The following PI4K2B variants were observed in gnomAD, a reference collection of about 807,000 sequenced individuals.
PI4K2B encodes the protein phosphatidylinositol 4-kinase type 2 beta, also known as phosphatidylinositol 4-kinase type 2-beta.
In PI4K2B, 46 loss-of-function variants were observed where a neutral mutation model predicts 56.6. The ratio of observed to expected loss-of-function variants is 0.81; its 90% CI spans 0.64 to 1.04. The LOEUF is 1.04. PI4K2B is among the 50% of genes least tolerant of loss of function. The probability of loss-of-function intolerance (pLI) is 0.00; values close to 1 mark genes in which losing one functional copy is unlikely to be tolerated. For missense variants in PI4K2B, 556 were observed against 607.7 expected (o/e 0.91, Z 0.89); for synonymous variants, 211 against 223.8 (o/e 0.94, Z 0.51).
chr4:25,250,004 G>T (rs1182088741), intron 1 of PI4K2B, among the ~76,000 whole-genome samples: 1 of 152,188 alleles, frequency 6.6e-6, no homozygotes, highest in Admixed American at 6.5e-5. Context: ...GATCACTCAC[G>T]GTCAGGAACT....
At chr4:25,246,898 G>A (rs966767604) in intron 1 of PI4K2B, among the ~76,000 whole-genome samples, 5 of 152,228 alleles carry the variant, frequency 3.3e-5, no homozygotes, top group African/African-American at 9.6e-5. Flanking sequence ...GGGGCAGGCC[G>A]GCTGCTCCCA....
chr4:25,257,355 C>T (rs534194888), intron 4 of PI4K2B, among the ~76,000 whole-genome samples: 4 of 152,226 alleles, frequency 2.6e-5, no homozygotes, highest in Admixed American at 6.5e-5. Flanking sequence ...AGCCGCTGTG[C>T]CTGGCCAAGT....
In PI4K2B at chr4:25,268,530, T is replaced by C. The variant is rs1716751874; in HGVS notation, c.1166T>C (p.Met389Thr). The C allele has an allele frequency of 1.9e-6, 3 of 1,598,466 alleles. No individual in the cohort carries two copies. In the East Asian group the frequency reaches 6.7e-5, roughly 36 times the overall value. The part of the protein sequence containing the change: ...RNLILPYISD[M>T]NFVQDLCEDL... ...TTGATTCTACCATATATTTCTGACA[T>C]GAACTTTGTGCAAGATTTATGTGAA... is the stretch of plus-strand genomic sequence containing the variant. The change falls in exon 8 of 10, where the codon ATG (methionine) becomes ACG (threonine). Residue 389 changes from methionine to threonine, a missense_variant. Met to Thr is a moderately conservative substitution (Grantham distance 81). Coordinates refer to ENST00000264864, the MANE Select transcript of PI4K2B (RefSeq NM_018323.4).
At chr4:25,264,296 C>T (rs764128403) in intron 7 of PI4K2B, among the ~76,000 whole-genome samples, 1 of 152,014 alleles carries the variant, frequency 6.6e-6, no homozygotes, top group African/African-American at 2.4e-5. Flanking sequence ...TCTTCTTGAA[C>T]CAGTTTTAGG....
intron 1 of PI4K2B, among the ~76,000 whole-genome samples, chr4:25,246,078 G>A (rs184331878): frequency 5.9e-5 from 9 of 152,164 alleles, no homozygotes; most frequent in South Asian, 4.2e-4. Flanking sequence ...TCGTGGTCTC[G>A]CTGGCTTCAG....
intron 5 of PI4K2B, among the ~76,000 whole-genome samples, chr4:25,259,810 C>T (rs57992991): frequency 0.29 from 44,700 of 152,146 alleles, 7,318 homozygotes; most frequent in African/African-American, 0.44. Flanking sequence ...CTGCAGGCCA[C>T]GGGTTGGATA....
intron 1 of PI4K2B, among the ~76,000 whole-genome samples, chr4:25,243,958 C>T (rs549003576): frequency 1.3e-5 from 2 of 152,314 alleles, no homozygotes; most frequent in East Asian, 3.9e-4. Flanking sequence ...TTGACTAAGA[C>T]ACCAGGTATC....
chr4:25,256,645 A>G lies in PI4K2B; in HGVS notation c.727A>G (p.Lys243Glu), dbSNP rs1716273732. Residue 243 changes from lysine to glutamate, a missense_variant, in exon 4 of 10, where the codon AAG becomes GAG. Transcript: ENST00000264864. ...AGAAAAAGTGCCAAAAGTGGGTAGAAAGTTTCATAGGATAGGACTCCCTCC... is the reference window on the plus strand; with the variant it reads ...AGAAAAAGTGCCAAAAGTGGGTAGAGAGTTTCATAGGATAGGACTCCCTCC... ...ALEKVPKVGR[K>E]FHRIGLPPKI... 1 of 1,613,930 alleles carries G rather than the reference A, an allele frequency of 6.2e-7. No individual in the cohort carries two copies. Among genetic ancestry groups the G allele is most frequent in the South Asian group, 1.1e-5 (1 of 91,074 alleles).
At chr4:25,244,041 G>A (rs952761006) in intron 1 of PI4K2B, among the ~76,000 whole-genome samples, 1 of 152,206 alleles carries the variant, frequency 6.6e-6, no homozygotes, top group Non-Finnish European at 1.5e-5. Context: ...AGAGTAGCAT[G>A]ACATCTCTCC....
chr4:25,235,998 TAAAC>T lies in PI4K2B; in HGVS notation c.268+1570_268+1573del, dbSNP rs1357199125. 1.3e-4 allele frequency among the ~76,000 whole-genome samples: 16 copies of T among 119,382 alleles called. No homozygotes were observed. In the East Asian group the frequency reaches 2.6e-3, roughly 20 times the overall value. The allele number at this position is 119,382 out of a possible 152,430, so 78.3% of individuals were successfully genotyped here. A position where few individuals can be genotyped will look rare whatever the true frequency, so the allele number is the denominator to read the frequency against. On this transcript the variant is annotated intron_variant, in intron 1 of 9. Coordinates refer to ENST00000264864, the MANE Select transcript of PI4K2B (RefSeq NM_018323.4). The stretch of plus-strand genomic sequence containing the variant: ...GCGAGATCCCCATCTCTATAAAAAA[TAAAC>T]AACAACAACAACAAAAATTCAAAGT...
intron 1 of PI4K2B, among the ~76,000 whole-genome samples, chr4:25,251,826 GTTA>G (rs35073171): frequency 1.3e-5 from 2 of 150,508 alleles, no homozygotes; most frequent in African/African-American, 4.9e-5. Context: ...TGTTGTTGTT[GTTA>G]TTATTATTAT....
At chr4:25,254,021 A>G (rs1716162199) in intron 2 of PI4K2B, among the ~76,000 whole-genome samples, 2 of 152,148 alleles carry the variant, frequency 1.3e-5, no homozygotes, top group African/African-American at 4.8e-5. Context: ...TCACCTCCCA[A>G]AGTGCTGGGA....
At chr4:25,246,086 C>G (rs1052791358) in intron 1 of PI4K2B, among the ~76,000 whole-genome samples, 7 of 152,112 alleles carry the variant, frequency 4.6e-5, no homozygotes, top group African/African-American at 1.4e-4. Context: ...TCGCTGGCTT[C>G]AGGAGTGAAG....
In PI4K2B at chr4:25,234,319, T is replaced by C. The variant is rs1488458766; in HGVS notation, c.156T>C (p.Ala52=). Reference sequence around the variant, plus strand: ...GCAGCGCCGTGAGGCTGCTGGACGCTGCCGGGGAGGAGGGCGAGGCCGGCG... The same window carrying C: ...GCAGCGCCGTGAGGCTGCTGGACGCCGCCGGGGAGGAGGGCGAGGCCGGCG... The part of the protein sequence containing the change: ...APGSAVRLLD[A]AGEEGEAGDE... The change falls in exon 1 of 10, where the codon GCT becomes GCC. Residue 52 remains alanine (A), a synonymous_variant. Transcript: ENST00000264864. 6 of 1,414,266 alleles carry C rather than the reference T, an allele frequency of 4.2e-6. No individual in the cohort carries two copies. Among genetic ancestry groups the C allele is most frequent in the Non-Finnish European group, 5.5e-6 (6 of 1,081,212 alleles). 87.6% of individuals were successfully genotyped at this position (1,414,266 alleles called of 1,614,324 possible).
intron 4 of PI4K2B, among the ~76,000 whole-genome samples, chr4:25,257,998 G>A (rs28367880): frequency 6.6e-6 from 1 of 152,064 alleles, no homozygotes; most frequent in Non-Finnish European, 1.5e-5. Context: ...AGGGTTACCT[G>A]TTACCTGTTT....
intron 9 of PI4K2B, among the ~76,000 whole-genome samples, chr4:25,269,542 A>G (rs13106374): frequency 0.83 from 124,903 of 150,716 alleles, 51,855 homozygotes; most frequent in Non-Finnish European, 0.84. Context: ...GGGAGGCTGC[A>G]GCAGGAGAAT....
chr4:25,260,610 TTATATATATA>T lies in PI4K2B; in HGVS notation c.978+42_978+51del, dbSNP rs533544057. The T allele has an allele frequency of 8.4e-3, 2,561 of 306,464 alleles. 24 individuals are homozygous for T. Among genetic ancestry groups the T allele is most frequent in the Middle Eastern group, 0.016 (14 of 882 alleles). 19.0% of individuals were successfully genotyped at this position (306,464 alleles called of 1,614,324 possible). ...CCATAAGGTAAGGAAATTTACAATT[TTATATATATA>T]TATATATATATATATATATATACAC... On this transcript the variant is annotated intron_variant, in intron 6 of 9. Transcript: ENST00000264864.
chr4:25,236,129 C>A (rs1471257007), intron 1 of PI4K2B, among the ~76,000 whole-genome samples: 2 of 151,802 alleles, frequency 1.3e-5, no homozygotes, highest in Non-Finnish European at 1.5e-5. Flanking sequence ...TTGCTAAGAT[C>A]TTTTTTAAAA....
intron 1 of PI4K2B, among the ~76,000 whole-genome samples, chr4:25,237,875 A>C (rs1560364585): frequency 6.6e-6 from 1 of 152,204 alleles, no homozygotes; most frequent in Non-Finnish European, 1.5e-5. Flanking sequence ...TTACAGAAAA[A>C]GACCCTGTCT....
Sources: allele counts gnomAD v4.1 joint callset (sites outside exome capture counted in the v4.1 genomes callset), GRCh38; gene constraint gnomAD v4.1.1; transcripts MANE v1.5; gene names NCBI Gene and HGNC (gene_info 2026-07-23, HGNC 2026-07-21).